SLC30A9: variants seen among roughly 807,000 people sequenced by gnomAD.
The protein encoded by SLC30A9 is solute carrier family 30 member 9, also known as proton-coupled zinc antiporter SLC30A9, mitochondrial.
In SLC30A9, 58 loss-of-function variants were observed where a neutral mutation model predicts 87.5. That is an observed-to-expected ratio of 0.66 (90% CI 0.54 to 0.82). SLC30A9 has a LOEUF of 0.82. Among genes scored for constraint, SLC30A9 ranks in the 40% least tolerant of loss-of-function variants. SLC30A9 has a pLI of 0.00. For synonymous variants in SLC30A9, 234 were observed against 233.0 expected (o/e 1.00, Z -0.04); for missense variants, 557 against 679.1 (o/e 0.82, Z 2.00).
At chr4:42,008,192 G>C (rs896799195) in intron 2 of SLC30A9, among the ~76,000 whole-genome samples, 11 of 152,110 alleles carry the variant, frequency 7.2e-5, no homozygotes, top group Admixed American at 5.9e-4. Flanking sequence ...TCTTTCCAAG[G>C]TGCCCTTCTC....
At chr4:41,994,338 A>G (rs1714598389) in intron 1 of SLC30A9, among the ~76,000 whole-genome samples, 1 of 152,130 alleles carries the variant, frequency 6.6e-6, no homozygotes, top group Non-Finnish European at 1.5e-5. Flanking sequence ...ACTTCTAAAG[A>G]ATAAAAATGT....
chr4:42,004,695 T>G (rs1299434901), intron 2 of SLC30A9, among the ~76,000 whole-genome samples: 1 of 150,900 alleles, frequency 6.6e-6, no homozygotes, highest in Non-Finnish European at 1.5e-5. Context: ...AGTCTCATTC[T>G]GTTGCCCAGG....
intron 6 of SLC30A9, among the ~76,000 whole-genome samples, chr4:42,032,048 T>C (rs2153136648): frequency 6.6e-6 from 1 of 152,252 alleles, no homozygotes; most frequent in Admixed American, 6.5e-5. Context: ...AAGGCAAAGA[T>C]GGAACAGGTA....
At position 42,062,714 on chromosome 4, in the gene SLC30A9, A is replaced by G. The variant is rs549304414; in HGVS notation, c.897-272A>G. 5.2e-4 allele frequency among the ~76,000 whole-genome samples: 79 copies of G among 152,354 alleles called. 2 individuals carry two copies. The South Asian group carries it at 0.014, about 28-fold the overall frequency. On this transcript the variant is annotated intron_variant, in intron 10 of 17. Transcript: ENST00000264451. ...TTTACCAGGATCTGTGGTACATAATAGTAAAGTAGCTCTCTAAATCAAAAT... is the reference window on the plus strand; with the variant it reads ...TTTACCAGGATCTGTGGTACATAATGGTAAAGTAGCTCTCTAAATCAAAAT...
At chr4:42,011,323 G>A (rs997243703) in intron 2 of SLC30A9, among the ~76,000 whole-genome samples, 7 of 152,160 alleles carry the variant, frequency 4.6e-5, no homozygotes, top group South Asian at 4.1e-4. Flanking sequence ...AAACTGCTGC[G>A]TGATCTGATT....
intron 1 of SLC30A9, among the ~76,000 whole-genome samples, chr4:41,997,437 T>G (rs896725697): frequency 7.4e-5 from 11 of 148,586 alleles, no homozygotes; most frequent in African/African-American, 2.2e-4. Flanking sequence ...CATTCTTAGG[T>G]TTTTTTTTTA....
At chr4:42,026,157 C>T (rs779728443) in intron 6 of SLC30A9, among the ~76,000 whole-genome samples, 2 of 152,036 alleles carry the variant, frequency 1.3e-5, no homozygotes, top group South Asian at 2.1e-4. Flanking sequence ...ATAAAGAGGA[C>T]TGCACTTAAA....
chr4:42,014,603 C>T (rs1387538578), intron 2 of SLC30A9, among the ~76,000 whole-genome samples: 1 of 151,330 alleles, frequency 6.6e-6, no homozygotes, highest in Non-Finnish European at 1.5e-5. Flanking sequence ...TATCTGCATT[C>T]CCATGTTTAT....
intron 9 of SLC30A9, among the ~76,000 whole-genome samples, chr4:42,055,457 G>A (rs984067642): frequency 2.6e-5 from 4 of 152,042 alleles, no homozygotes; most frequent in African/African-American, 9.7e-5. Flanking sequence ...CACAATCTCG[G>A]CTTACTGCAA....
chr4:42,054,668 T>A (rs1717530445), intron 9 of SLC30A9, among the ~76,000 whole-genome samples: 1 of 151,802 alleles, frequency 6.6e-6, no homozygotes. Context: ...TTTTTTGTAT[T>A]TTTAGTAGAG....
chr4:42,019,786 A>G lies in SLC30A9; in HGVS notation c.335-630A>G, dbSNP rs28446245. 5.2e-3 allele frequency among the ~76,000 whole-genome samples: 788 copies of G among 151,954 alleles called. 6 individuals carry two copies. The highest frequency in any genetic ancestry group is 0.018 in the African/African-American group (747 of 41,466). On this transcript the variant is annotated intron_variant, in intron 3 of 17. Transcript: ENST00000264451. ...AAGCACTCAACTACTCTGTTATTTT[A>G]TTTATTTATTTATTTATTATTTTTT...
At chr4:42,004,987 G>C (rs1715142076) in intron 2 of SLC30A9, among the ~76,000 whole-genome samples, 1 of 152,004 alleles carries the variant, frequency 6.6e-6, no homozygotes. Context: ...TTTTTACCTT[G>C]CTTGGTTGGT....
At position 42,022,855 on chromosome 4, in the gene SLC30A9, GA is replaced by G; in HGVS notation, c.457del (p.Ile153SerfsTer17). 6.3e-7 allele frequency: 1 copy of G among 1,597,604 alleles called. No homozygotes were observed. Among genetic ancestry groups the G allele is most frequent in the South Asian group, 1.1e-5 (1 of 88,408 alleles). ...CLKSSDLEQL[R>X]KIRRRSPHED... Reference sequence around the variant, plus strand: ...TTCTCTAGTGATCTAGAACAACTTCGAAAAATCAGACGACGAAGTCCCCATG... The same window carrying G: ...TTCTCTAGTGATCTAGAACAACTTCGAAAATCAGACGACGAAGTCCCCATG... On this transcript the variant is annotated frameshift_variant, in exon 5 of 18. Transcript: ENST00000264451. LOFTEE classifies it high-confidence loss of function.
intron 2 of SLC30A9, among the ~76,000 whole-genome samples, chr4:42,013,434 G>C (rs1360062396): frequency 6.6e-6 from 1 of 152,068 alleles, no homozygotes; most frequent in East Asian, 1.9e-4. Flanking sequence ...AAACTGTGGA[G>C]GAATATTACC....
chr4:42,062,815 G>C (rs1717916862), intron 10 of SLC30A9, among the ~76,000 whole-genome samples, 171 bp from the exon 11 acceptor site: 2 of 152,100 alleles, frequency 1.3e-5, no homozygotes, highest in South Asian at 4.1e-4. Context: ...AATTCTTACA[G>C]TTTTTTCCAC....
chr4:42,079,653 G>A (rs1020175841), intron 17 of SLC30A9, among the ~76,000 whole-genome samples: 6 of 148,928 alleles, frequency 4.0e-5, no homozygotes, highest in African/African-American at 1.5e-4. Context: ...TGTCACCCGT[G>A]CTGGAGTGCA....
At chr4:42,030,602 G>GGGGGGT (rs1279450497) in intron 6 of SLC30A9, among the ~76,000 whole-genome samples, 2 of 145,792 alleles carry the variant, frequency 1.4e-5, no homozygotes, top group African/African-American at 2.6e-5. Context: ...TTTTTTTTGG[G>GGGGGGT]CTCTTTCAAA....
chr4:42,000,135 G>T (rs1484638862), intron 1 of SLC30A9, among the ~76,000 whole-genome samples: 1 of 152,048 alleles, frequency 6.6e-6, no homozygotes, highest in African/African-American at 2.4e-5. Context: ...ATCAAGTCAT[G>T]GAAATGGGTC....
chr4:42,029,350 G>A (rs1478767093), intron 6 of SLC30A9: 7 of 569,780 alleles, frequency 1.2e-5, no homozygotes, highest in African/African-American at 7.5e-5. Flanking sequence ...CTGCCTGACT[G>A]GCATCTTCAT....
Sources: allele counts gnomAD v4.1 joint callset (sites outside exome capture counted in the v4.1 genomes callset), GRCh38; gene constraint gnomAD v4.1.1; transcripts MANE v1.5; gene names NCBI Gene and HGNC (gene_info 2026-07-23, HGNC 2026-07-21).